ATP9B: variants seen among roughly 807,000 people sequenced by gnomAD.
ATP9B encodes ATPase phospholipid transporting 9B.
Under a neutral mutation model 146.1 loss-of-function variants are expected in ATP9B, and 110 were observed. The ratio of observed to expected loss-of-function variants is 0.75; its 90% CI spans 0.65 to 0.88. ATP9B has a LOEUF of 0.88. Ranked by LOEUF, ATP9B falls within the 40% of genes least tolerant of loss-of-function variation. ATP9B has a pLI of 0.00. For synonymous variants in ATP9B, 604 were observed against 569.7 expected (o/e 1.06, Z -0.86); for missense variants, 1,499 against 1,496.4 (o/e 1.00, Z -0.03).
At chr18:79,340,399 G>A (rs912989592) in intron 19 of ATP9B, 20 of 152,264 alleles carry the variant, frequency 1.3e-4, no homozygotes, top group Admixed American at 2.0e-4. Context: ...CGCAGTGCTA[G>A]TTCTTCTTCA....
intron 7 of ATP9B, among the ~76,000 whole-genome samples, chr18:79,156,724 T>C (rs2094788462): frequency 1.3e-5 from 2 of 152,226 alleles, no homozygotes; most frequent in African/African-American, 4.8e-5. Context: ...TTTGAAGCCA[T>C]CATTTGCCAA....
chr18:79,187,892 T>C (rs2095323505), intron 8 of ATP9B, among the ~76,000 whole-genome samples: 1 of 152,162 alleles, frequency 6.6e-6, no homozygotes. Context: ...AGAAATGAAA[T>C]ATGCCATATC....
chr18:79,336,681 G>T lies in ATP9B; in HGVS notation c.2082G>T (p.Ala694=), dbSNP rs746394287. 2 of 1,613,704 alleles carry T rather than the reference G, an allele frequency of 1.2e-6. No homozygotes were observed. Among genetic ancestry groups the T allele is most frequent in the African/African-American group, 2.7e-5 (2 of 74,942 alleles). Reference sequence around the variant, plus strand: ...GGACCCTCGTGGTTGCAAAGAAGGCGTTGACAGAGGAGCAGTACCAGGACT... The same window carrying T: ...GGACCCTCGTGGTTGCAAAGAAGGCTTTGACAGAGGAGCAGTACCAGGACT... ...GLRTLVVAKK[A]LTEEQYQDFE... is the part of the protein sequence containing the mutation. The change falls in exon 18 of 30, where the codon GCG becomes GCT. Residue 694 remains alanine, a synonymous_variant. Transcript: ENST00000426216.
intron 7 of ATP9B, among the ~76,000 whole-genome samples, chr18:79,157,559 T>A (rs1271382529): frequency 6.6e-6 from 1 of 152,172 alleles, no homozygotes; most frequent in South Asian, 2.1e-4. Context: ...TGTGAAGAAT[T>A]ATTATTAATT....
intron 8 of ATP9B, among the ~76,000 whole-genome samples, chr18:79,191,758 C>T (rs1407670356): frequency 6.6e-6 from 1 of 152,172 alleles, no homozygotes; most frequent in African/African-American, 2.4e-5. Flanking sequence ...CTTTGAAATT[C>T]TCATTTCTTA....
At chr18:79,245,860 C>T (rs1239800703) in intron 11 of ATP9B, among the ~76,000 whole-genome samples, 3 of 148,484 alleles carry the variant, frequency 2.0e-5, no homozygotes, top group Non-Finnish European at 4.5e-5. Flanking sequence ...GAGGGCACCG[C>T]CCTACTGTCT....
rs542489223 is a variant in ATP9B at position 79,201,053 on chromosome 18, T to C, written c.955-5884T>C. ...TGATGGCCTGGTGATGGTGACCACTTGTGGGAGGCTGTGCCACTCAAAGAG... is the reference window on the plus strand; with the variant it reads ...TGATGGCCTGGTGATGGTGACCACTCGTGGGAGGCTGTGCCACTCAAAGAG... On this transcript the variant is annotated intron_variant, in intron 9 of 29. Transcript: ENST00000426216. 2.1e-4 allele frequency among the ~76,000 whole-genome samples: 32 copies of C among 152,304 alleles called. No individual in the cohort carries two copies. The South Asian group carries it at 5.6e-3, about 27-fold the overall frequency.
At chr18:79,225,978 C>T (rs981163930) in intron 11 of ATP9B, among the ~76,000 whole-genome samples, 17 of 152,196 alleles carry the variant, frequency 1.1e-4, no homozygotes, top group Non-Finnish European at 2.2e-4. Context: ...TTGGCTCCCC[C>T]ATTGTCATCA....
In ATP9B at chr18:79,115,439, C is replaced by T. The variant is rs954203843; in HGVS notation, c.558+2085C>T. ...AAACTACTTTACAGTTCATATGGAA[C>T]CAAAAAAGAGTCTGCATCGCCAAAT... is the stretch of plus-strand genomic sequence containing the variant. On this transcript the variant is annotated intron_variant, in intron 4 of 29. Coordinates refer to ENST00000426216, the MANE Select transcript of ATP9B (RefSeq NM_198531.5). The T allele has an allele frequency of 1.2e-4, 17 of 139,616 alleles. 1 individual carries two copies. Among genetic ancestry groups the T allele is most frequent in the African/African-American group, 4.2e-4 (14 of 33,594 alleles). The allele number at this position is 139,616 out of a possible 1,614,324, so 8.6% of individuals were successfully genotyped here. A position where few individuals can be genotyped will look rare whatever the true frequency, so the allele number is the denominator to read the frequency against.
rs143137306 is a variant in ATP9B, at chr18:79,241,112, A to G, written c.1108-12269A>G. Among the ~76,000 whole-genome samples, 628 of 152,332 alleles carry G rather than the reference A, an allele frequency of 4.1e-3. 4 individuals carry two copies. The highest frequency in any genetic ancestry group is 0.014 in the African/African-American group (582 of 41,576). On this transcript the variant is annotated intron_variant, in intron 11 of 29. Transcript: ENST00000426216. ...TGAATCACTTATAATTTGTTAATAA[A>G]TTTAAACCAAAACTTAAGCTGTTTT...
chr18:79,126,682 G>C (rs1235983815), intron 5 of ATP9B, among the ~76,000 whole-genome samples: 1 of 152,090 alleles, frequency 6.6e-6, no homozygotes, highest in Admixed American at 6.5e-5. Context: ...CGTATTTTCT[G>C]AGAGGCATAA....
intron 13 of ATP9B, 83 bp from the exon 14 acceptor site, chr18:79,303,521 C>A: frequency 1.9e-6 from 2 of 1,075,750 alleles, no homozygotes; most frequent in Non-Finnish European, 2.8e-6. Context: ...CATGAATGTG[C>A]AGCATGCCTG....
In ATP9B at chr18:79,176,908, G is replaced by A; in HGVS notation, c.873+1G>A. 6.2e-7 allele frequency: 1 copy of A among 1,613,668 alleles called. No individual in the cohort carries two copies. Among genetic ancestry groups the A allele is most frequent in the Non-Finnish European group, 8.5e-7 (1 of 1,179,660 alleles). Reference sequence around the variant, plus strand: ...CACGCAACAGCTGCCGGCTCTGGGGGTGAGCAGCACCAAGACTACTCCATC... The same window carrying A: ...CACGCAACAGCTGCCGGCTCTGGGGATGAGCAGCACCAAGACTACTCCATC... On this transcript the variant is annotated splice_donor_variant, in intron 8 of 29. Transcript: ENST00000426216. LOFTEE classifies it high-confidence loss of function.
intron 10 of ATP9B, among the ~76,000 whole-genome samples, chr18:79,210,124 G>C (rs2095570653): frequency 6.6e-6 from 1 of 152,184 alleles, no homozygotes; most frequent in Non-Finnish European, 1.5e-5. Flanking sequence ...GCAGGACACA[G>C]AGAGCCTGCT....
At chr18:79,163,551 AACATTC>A (rs1319946842) in intron 7 of ATP9B, among the ~76,000 whole-genome samples, 1 of 152,146 alleles carries the variant, frequency 6.6e-6, no homozygotes, top group Non-Finnish European at 1.5e-5. Flanking sequence ...TTTATATCAG[AACATTC>A]ACCCATATAT....
chr18:79,073,074 C>A (rs527590760), intron 1 of ATP9B, among the ~76,000 whole-genome samples: 1 of 144,404 alleles, frequency 6.9e-6, no homozygotes, highest in Non-Finnish European at 1.5e-5. Flanking sequence ...GATGATGGGC[C>A]GCCAGGCGGA....
At chr18:79,147,187 A>G (rs2094605023) in intron 6 of ATP9B, among the ~76,000 whole-genome samples, 1 of 152,258 alleles carries the variant, frequency 6.6e-6, no homozygotes, top group Non-Finnish European at 1.5e-5. Context: ...ACCAAACAAC[A>G]GTTCCATAAA....
At chr18:79,201,964 A>G (rs1600424798) in intron 9 of ATP9B, among the ~76,000 whole-genome samples, 2 of 152,008 alleles carry the variant, frequency 1.3e-5, no homozygotes. Context: ...ATGTGGGAGG[A>G]TTGCTGGAGC....
At chr18:79,238,926 C>T (rs1359162891) in intron 11 of ATP9B, among the ~76,000 whole-genome samples, 2 of 152,206 alleles carry the variant, frequency 1.3e-5, no homozygotes. Flanking sequence ...TCAGAAAGAA[C>T]CAAGTCAGGT....
Sources: allele counts gnomAD v4.1 joint callset (sites outside exome capture counted in the v4.1 genomes callset), GRCh38; gene constraint gnomAD v4.1.1; transcripts MANE v1.5; gene names NCBI Gene and HGNC (gene_info 2026-07-23, HGNC 2026-07-21).